Variants in RPTOR observed in about 807,000 individuals in gnomAD.
The protein encoded by RPTOR is regulatory associated protein of MTOR complex 1.
A neutral mutation model predicts 169.9 loss-of-function variants in RPTOR; 21 were observed. The ratio of observed to expected loss-of-function variants is 0.12; its 90% CI spans 0.09 to 0.18. The LOEUF is 0.18. RPTOR is among the 10% of genes least tolerant of loss of function. RPTOR has a pLI of 1.00. For synonymous variants in RPTOR, 732 were observed against 753.2 expected (o/e 0.97, Z 0.46); for missense variants, 1,133 against 1,855.9 (o/e 0.61, Z 7.16).
At chr17:80,700,514 G>GTGA (rs1567864325) in intron 3 of RPTOR, among the ~76,000 whole-genome samples, 3 of 115,982 alleles carry the variant, frequency 2.6e-5, no homozygotes, top group Non-Finnish European at 5.5e-5. Flanking sequence ...GATGGTGATG[G>GTGA]TGATGGTGGT....
At chr17:80,696,831 T>C (rs2066041195) in intron 3 of RPTOR, among the ~76,000 whole-genome samples, 2 of 152,154 alleles carry the variant, frequency 1.3e-5, no homozygotes, top group African/African-American at 4.8e-5. Flanking sequence ...TGTGTCACCT[T>C]GAGGGGAACA....
rs1567846573 is a variant in RPTOR, at chr17:80,665,495, T to TTCCTTTCCATG, written c.348+21694_348+21704dup. ...TTCCTTTCCTTTCCTTTCCTTTCCT[T>TTCCTTTCCATG]TCCTTTCCATGTCCTTTCCTTTCCT... is the stretch of plus-strand genomic sequence containing the variant. On this transcript the variant is annotated intron_variant, in intron 3 of 33. Coordinates refer to ENST00000306801, the MANE Select transcript of RPTOR (RefSeq NM_020761.3). Among the ~76,000 whole-genome samples the TTCCTTTCCATG allele has an allele frequency of 7.1e-4, 36 of 50,676 alleles. 7 individuals are homozygous for TTCCTTTCCATG. Among genetic ancestry groups the TTCCTTTCCATG allele is most frequent in the East Asian group, 1.5e-3 (4 of 2,598 alleles). 33.2% of individuals were successfully genotyped at this position (50,676 alleles called of 152,430 possible). A position where few individuals can be genotyped will look rare whatever the true frequency, so the allele number is the denominator to read the frequency against.
intron 6 of RPTOR, among the ~76,000 whole-genome samples, chr17:80,786,438 T>C (rs969938131): frequency 1.3e-4 from 20 of 152,352 alleles, no homozygotes; most frequent in African/African-American, 4.6e-4. Flanking sequence ...AGCTGAACAT[T>C]AATTTGTTCT....
At chr17:80,686,002 C>G (rs1036151680) in intron 3 of RPTOR, among the ~76,000 whole-genome samples, 2 of 151,910 alleles carry the variant, frequency 1.3e-5, no homozygotes, top group African/African-American at 4.8e-5. Flanking sequence ...TGGTTAGAGG[C>G]TTTCTAGAAG....
chr17:80,647,804 C>T (rs1192981975), intron 3 of RPTOR, among the ~76,000 whole-genome samples: 1 of 152,098 alleles, frequency 6.6e-6, no homozygotes, highest in Middle Eastern at 3.2e-3. Context: ...GTAGTGAAGG[C>T]AGCAAGTCCT....
intron 3 of RPTOR, among the ~76,000 whole-genome samples, chr17:80,668,962 C>T (rs1387857717): frequency 6.6e-6 from 1 of 151,178 alleles, no homozygotes. Context: ...GTAGCTGTGG[C>T]AGTGCTGTGG....
intron 3 of RPTOR, among the ~76,000 whole-genome samples, chr17:80,701,858 GACCC>G (rs1025609221): frequency 2.0e-5 from 3 of 152,140 alleles, no homozygotes; most frequent in Admixed American, 6.5e-5. Flanking sequence ...CAAAGGGGAA[GACCC>G]ACCAAGTAGA....
At chr17:80,547,134 T>C (rs1408523391) in intron 1 of RPTOR, among the ~76,000 whole-genome samples, 1 of 152,208 alleles carries the variant, frequency 6.6e-6, no homozygotes, top group African/African-American at 2.4e-5. Context: ...ACCAGTTAGC[T>C]ACTGACTTGG....
chr17:80,649,719 A>G (rs978045603), intron 3 of RPTOR, among the ~76,000 whole-genome samples: 1 of 151,886 alleles, frequency 6.6e-6, no homozygotes, highest in Non-Finnish European at 1.5e-5. Flanking sequence ...AACTGTTCCT[A>G]TGATCAATGT....
At chr17:80,722,991 C>G (rs1159609510) in intron 4 of RPTOR, among the ~76,000 whole-genome samples, 2 of 151,436 alleles carry the variant, frequency 1.3e-5, no homozygotes, top group East Asian at 3.9e-4. Flanking sequence ...AGATGCTGCT[C>G]AGGTGTTTTG....
At chr17:80,764,052 A>C (rs960068246) in intron 6 of RPTOR, among the ~76,000 whole-genome samples, 4 of 152,060 alleles carry the variant, frequency 2.6e-5, no homozygotes, top group Admixed American at 2.0e-4. Flanking sequence ...CTGATTATTG[A>C]TATATAGCAG....
intron 1 of RPTOR, among the ~76,000 whole-genome samples, chr17:80,579,170 T>C (rs1241403538): frequency 6.6e-6 from 1 of 152,148 alleles, no homozygotes; most frequent in Non-Finnish European, 1.5e-5. Context: ...CTTCCTGATC[T>C]TTTATTTATT....
chr17:80,943,028 C>T (rs535967982), intron 25 of RPTOR, among the ~76,000 whole-genome samples: 17 of 152,366 alleles, frequency 1.1e-4, no homozygotes, highest in South Asian at 4.1e-4. Flanking sequence ...CCTTGTATAA[C>T]GTGGCATTCA....
chr17:80,880,477 C>T lies in RPTOR; in HGVS notation c.1572C>T (p.Asp524=). Residue 524 remains aspartate, a synonymous_variant, in exon 14 of 34, where the codon GAC becomes GAT. Transcript: ENST00000306801. ...AGTACTTCCTGTCGGTCCTGGCGGA[C>T]CCCTACATGCCAGTAAGGACGGGGC... ...GHKYFLSVLA[D]PYMPAEHRTM... is the part of the protein sequence containing the mutation. 1.2e-6 allele frequency: 2 copies of T among 1,613,606 alleles called. No homozygotes were observed. Among genetic ancestry groups the T allele is most frequent in the South Asian group, 1.1e-5 (1 of 91,080 alleles).
At chr17:80,863,666 G>T (rs1192215906) in intron 13 of RPTOR, among the ~76,000 whole-genome samples, 6 of 152,354 alleles carry the variant, frequency 3.9e-5, no homozygotes, top group African/African-American at 1.4e-4. Flanking sequence ...TGTAATCTCA[G>T]CACTTTTGGA....
rs376964368 is a variant in RPTOR at position 80,893,691 on chromosome 17, G to C, written c.2243-16G>C. On this transcript the variant is annotated splice_polypyrimidine_tract_variant and intron_variant, in intron 19 of 33. Coordinates refer to ENST00000306801, the MANE Select transcript of RPTOR (RefSeq NM_020761.3). ...GTCCCGGGAGCACCCCACTGACCCC[G>C]TTGCGTCTCGGGCAGCTGGTGGCGC... The C allele has an allele frequency of 2.5e-6, 4 of 1,605,838 alleles. No homozygotes were observed. The highest frequency in any genetic ancestry group is 1.7e-5 in the Admixed American group (1 of 59,192).
At chr17:80,699,710 G>A (rs1598234570) in intron 3 of RPTOR, among the ~76,000 whole-genome samples, 2 of 113,500 alleles carry the variant, frequency 1.8e-5, no homozygotes, top group Non-Finnish European at 1.8e-5. Flanking sequence ...TAGAGGTGCT[G>A]TGCACGGTGC....
chr17:80,957,871 G>A lies in RPTOR; in HGVS notation c.3477+141G>A. On this transcript the variant is annotated intron_variant, in intron 29 of 33. Transcript: ENST00000306801. The surrounding 1 kb of genome is among the most constrained non-coding windows in gnomAD (Gnocchi z 4.6). ...GTCAGGGCCTGGGAGGACAGTGCCG[G>A]GACAATGCTGGGAGGAGACGTGGGC... 1.4e-6 allele frequency: 1 copy of A among 729,652 alleles called. No individual in the cohort carries two copies. The highest frequency in any genetic ancestry group is 2.3e-6 in the Non-Finnish European group (1 of 429,068). 45.2% of individuals were successfully genotyped at this position (729,652 alleles called of 1,614,324 possible).
At chr17:80,644,005 C>T (rs1299573378) in intron 3 of RPTOR, among the ~76,000 whole-genome samples, 195 bp downstream of exon 3, 1 of 152,242 alleles carries the variant, frequency 6.6e-6, no homozygotes, top group Non-Finnish European at 1.5e-5. Context: ...TTGACAGCGT[C>T]CGCATTATTG....
Sources: gnomAD v4.1 joint callset for allele counts (sites outside exome capture counted in the v4.1 genomes callset) on GRCh38, gnomAD v4.1.1 for gene constraint, Gnocchi (gnomAD v3.1) non-coding constraint, MANE v1.5 for transcripts, NCBI Gene and HGNC (gene_info 2026-07-23, HGNC 2026-07-21) for gene names.